The following SOX5 variants were observed in gnomAD, a reference collection of about 807,000 sequenced individuals.
SOX5 encodes SRY-box transcription factor 5.
SOX5 carries 9 observed loss-of-function variants against 92.0 expected under a neutral mutation model. The observed-to-expected ratio is 0.10, with a 90% CI of 0.06 to 0.17. The LOEUF (loss-of-function observed/expected upper bound fraction) is 0.17, where lower values mean the gene tolerates loss of function less well. Ranked by LOEUF, SOX5 falls within the 10% of genes least tolerant of loss-of-function variation. SOX5 has a pLI of 1.00. For synonymous variants in SOX5, 344 were observed against 336.3 expected (o/e 1.02, Z -0.25); for missense variants, 642 against 944.5 (o/e 0.68, Z 4.20).
intron 1 of SOX5, among the ~76,000 whole-genome samples, chr12:23,948,734 C>G (rs1329577993): frequency 6.6e-6 from 1 of 151,910 alleles, no homozygotes; most frequent in African/African-American, 2.4e-5. Flanking sequence ...GCAATGTGTA[C>G]TTATAGGAAC....
At chr12:23,557,728 C>T (rs1002123094) in intron 11 of SOX5, among the ~76,000 whole-genome samples, 22 of 152,116 alleles carry the variant, frequency 1.4e-4, no homozygotes, top group Admixed American at 2.6e-4. Flanking sequence ...GTCATCCCAG[C>T]GCTTTGGGAG....
At chr12:24,010,653 G>A (rs1441446105) in intron 4 of SOX5, among the ~76,000 whole-genome samples, 1 of 152,110 alleles carries the variant, frequency 6.6e-6, no homozygotes, top group Non-Finnish European at 1.5e-5. Context: ...TAATATTCTA[G>A]GCCGGGTGCT....
rs186544977 is a variant in SOX5 at position 24,178,280 on chromosome 12, G to T, written c.-2+35063C>A. On this transcript the variant is annotated intron_variant, in intron 4 of 4. Coordinates refer to the SOX5 transcript ENST00000446891. ...TTTTTTTTTTTCCCATTTAAGCACT[G>T]CAAGTATTTATTTTTACAGATTCTA... Among the ~76,000 whole-genome samples, 11 of 137,354 alleles carry T rather than the reference G, an allele frequency of 8.0e-5. No individual in the cohort carries two copies. In the East Asian group the frequency reaches 2.1e-3, roughly 26 times the overall value. 90.1% of individuals were successfully genotyped at this position (137,354 alleles called of 152,430 possible). A position where few individuals can be genotyped will look rare whatever the true frequency, so the allele number is the denominator to read the frequency against.
At chr12:23,621,555 C>A (rs2077183459) in intron 8 of SOX5, among the ~76,000 whole-genome samples, 1 of 152,054 alleles carries the variant, frequency 6.6e-6, no homozygotes, top group African/African-American at 2.4e-5. Context: ...CAACAATTTC[C>A]TCCTATTTTA....
At chr12:24,416,781 G>A (rs1965094001) in intron 1 of SOX5, among the ~76,000 whole-genome samples, 1 of 152,186 alleles carries the variant, frequency 6.6e-6, no homozygotes, top group Admixed American at 6.5e-5. Flanking sequence ...GCAAAACTCT[G>A]AAATTAGGCT....
chr12:23,976,406 C>CAAAAAAAAAAA (rs869250917), intron 4 of SOX5, among the ~76,000 whole-genome samples: 15 of 37,864 alleles, frequency 4.0e-4, no homozygotes, highest in Admixed American at 1.0e-3. Flanking sequence ...AACAAAAAAA[C>CAAAAAAAAAAA]AAAAAAAAAA....
intron 1 of SOX5, among the ~76,000 whole-genome samples, chr12:23,934,786 G>A (rs1335235946): frequency 6.6e-6 from 1 of 151,182 alleles, no homozygotes; most frequent in Non-Finnish European, 1.5e-5. Context: ...GAAGCACTAA[G>A]ATGACCTATA....
chr12:24,413,257 T>C (rs1227051794), intron 1 of SOX5, among the ~76,000 whole-genome samples: 1 of 152,242 alleles, frequency 6.6e-6, no homozygotes, highest in Non-Finnish European at 1.5e-5. Flanking sequence ...ACATTTAGAA[T>C]TGTCATGTCT....
At chr12:23,846,649 AT>A (rs2063218316) in intron 2 of SOX5, among the ~76,000 whole-genome samples, 4 of 143,546 alleles carry the variant, frequency 2.8e-5, no homozygotes, top group Admixed American at 1.5e-4. Context: ...TTAAACAAAT[AT>A]CATTACACAC....
At chr12:23,706,497 A>G (rs2091408828) in intron 6 of SOX5, among the ~76,000 whole-genome samples, 1 of 152,102 alleles carries the variant, frequency 6.6e-6, no homozygotes, top group Non-Finnish European at 1.5e-5. Context: ...CCTAGCTGTA[A>G]TTAAAAGTTG....
At chr12:24,380,040 C>T (rs1957673583) in intron 1 of SOX5, among the ~76,000 whole-genome samples, 4 of 152,096 alleles carry the variant, frequency 2.6e-5, no homozygotes, top group African/African-American at 9.7e-5. Context: ...GCATAGTAGC[C>T]TATACACCAG....
Position 23,667,250 on chromosome 12 carries a change from A to G in SOX5, c.811-1686T>C, listed in dbSNP as rs537877256. Among the ~76,000 whole-genome samples the G allele has an allele frequency of 1.2e-4, 19 of 152,270 alleles. 1 individual carries two copies. The South Asian group carries it at 3.7e-3, about 30-fold the overall frequency. ...TTATTGGCTATATTGTTAATTGGTT[A>G]TTATTTGTATATAAAGCATTCTTGT... On this transcript the variant is annotated intron_variant, in intron 6 of 14. Transcript: ENST00000451604.
intron 4 of SOX5, among the ~76,000 whole-genome samples, chr12:24,015,252 TGTA>T (rs1471235073): frequency 2.0e-5 from 3 of 152,094 alleles, no homozygotes; most frequent in Non-Finnish European, 1.5e-5. Context: ...CTTCCTCTCT[TGTA>T]GTGCGGTAAT....
intron 4 of SOX5, among the ~76,000 whole-genome samples, chr12:23,968,189 T>C (rs561244740): frequency 1.1e-3 from 163 of 152,366 alleles, no homozygotes; most frequent in African/African-American, 3.7e-3. Flanking sequence ...CTGCATTTGT[T>C]GTTATCACAC....
At chr12:24,119,632 TTA>T (rs1948418509) in intron 4 of SOX5, among the ~76,000 whole-genome samples, 1 of 152,140 alleles carries the variant, frequency 6.6e-6, no homozygotes, top group African/African-American at 2.4e-5. Context: ...TTTCCTTTAA[TTA>T]TGAGTAATTA....
chr12:23,637,136 A>G (rs928665365), intron 8 of SOX5, among the ~76,000 whole-genome samples: 11 of 152,146 alleles, frequency 7.2e-5, no homozygotes, highest in Non-Finnish European at 1.5e-4. Context: ...TTTAAAATAT[A>G]TATCCCCTCC....
At chr12:24,479,617 C>T (rs1056199869) in intron 1 of SOX5, among the ~76,000 whole-genome samples, 1 of 152,022 alleles carries the variant, frequency 6.6e-6, no homozygotes, top group African/African-American at 2.4e-5. Context: ...AAAAGCCTTA[C>T]AAAATCTTAC....
In SOX5 at chr12:24,463,613, G is replaced by C. The variant is rs572947944; in HGVS notation, c.-250-94974C>G. Among the ~76,000 whole-genome samples, 3 of 152,316 alleles carry C rather than the reference G, an allele frequency of 2.0e-5. No individual in the cohort carries two copies. In the South Asian group the frequency reaches 6.2e-4, roughly 32 times the overall value. ...TCTTATTTGAAAAGGGGGTGAGCTT[G>C]CCAGGTGTAAGGAAGCAGATGCGAT... On this transcript the variant is annotated intron_variant, in intron 1 of 4. Coordinates refer to the SOX5 transcript ENST00000446891.
At chr12:24,459,554 A>AT (rs1377470135) in intron 1 of SOX5, among the ~76,000 whole-genome samples, 13 of 152,074 alleles carry the variant, frequency 8.5e-5, no homozygotes, top group African/African-American at 2.9e-4. Context: ...TAATTTATCG[A>AT]TTTTTTCAAT....
Sources: gnomAD v4.1 joint callset for allele counts (sites outside exome capture counted in the v4.1 genomes callset) on GRCh38, gnomAD v4.1.1 for gene constraint, MANE v1.5 for transcripts, NCBI Gene and HGNC (gene_info 2026-07-23, HGNC 2026-07-21) for gene names.